The following LRRC7 variants were observed in gnomAD, a reference collection of about 807,000 sequenced individuals.
LRRC7 encodes the protein leucine-rich repeat-containing protein 7.
A neutral mutation model predicts 175.7 loss-of-function variants in LRRC7; 23 were observed. That is an observed-to-expected ratio of 0.13 (90% confidence interval 0.09 to 0.19). The LOEUF is 0.19. Ranked by LOEUF, LRRC7 falls within the 10% of genes least tolerant of loss-of-function variation. The pLI, the probability that LRRC7 is intolerant of heterozygous loss-of-function variation, is 1.00. For missense variants in LRRC7, 1,354 were observed against 1,904.7 expected, an observed-to-expected ratio of 0.71 and a Z score of 5.38; for synonymous variants, 685 against 680.9, an observed-to-expected ratio of 1.01 and a Z score of -0.09.
Position 69,611,650 on chromosome 1 carries a change from C to T in LRRC7, c.2+43009C>T, listed in dbSNP as rs114667535. Among the ~76,000 whole-genome samples, 244 of 152,162 alleles carry T rather than the reference C, an allele frequency of 1.6e-3. 1 individual carries two copies. The highest frequency in any genetic ancestry group is 5.6e-3 in the African/African-American group (234 of 41,546). On this transcript the variant is annotated intron_variant, in intron 1 of 26. Coordinates refer to ENST00000651989, the MANE Select transcript of LRRC7 (RefSeq NM_001370785.2). ...TGCTATAACTCATGCCTGAATCAAG[C>T]TTACCTAACACACACATTGTCTCCA... is the stretch of plus-strand genomic sequence containing the variant.
intron 7 of LRRC7, among the ~76,000 whole-genome samples, chr1:69,900,201 A>G (rs1391224067): frequency 6.6e-6 from 1 of 152,222 alleles, no homozygotes; most frequent in Non-Finnish European, 1.5e-5. Flanking sequence ...TATTACTGAT[A>G]GGAGTCTGTT....
chr1:69,784,822 T>A (rs966872761), intron 3 of LRRC7, among the ~76,000 whole-genome samples: 4 of 152,206 alleles, frequency 2.6e-5, no homozygotes, highest in African/African-American at 9.6e-5. Context: ...GCATGAGTTA[T>A]TAAATTTTAG....
Position 70,053,025 on chromosome 1 carries a change from G to T in LRRC7, c.4111-1G>T. The T allele has an allele frequency of 6.3e-7, 1 of 1,588,254 alleles. No individual in the cohort carries two copies. The highest frequency in any genetic ancestry group is 1.4e-5 in the African/African-American group (1 of 73,794). The stretch of plus-strand genomic sequence containing the variant: ...AGAATGCCATACCATTTTTGCAATA[G>T]ACCCCGTCCCAGCAAAGCAACATTT... On this transcript the variant is annotated splice_acceptor_variant, in intron 22 of 26. Coordinates refer to ENST00000651989, the MANE Select transcript of LRRC7 (RefSeq NM_001370785.2). LOFTEE classifies it high-confidence loss of function.
At chr1:69,843,996 TG>T (rs1346702981) in intron 7 of LRRC7, among the ~76,000 whole-genome samples, 1 of 152,166 alleles carries the variant, frequency 6.6e-6, no homozygotes, top group Non-Finnish European at 1.5e-5. Flanking sequence ...GGTTGTATTT[TG>T]ATCGTGTAGA....
chr1:69,965,690 A>G (rs1651595350), intron 8 of LRRC7, among the ~76,000 whole-genome samples: 1 of 152,146 alleles, frequency 6.6e-6, no homozygotes, highest in Non-Finnish European at 1.5e-5. Flanking sequence ...CGTGAAATTA[A>G]TGTAAACTGA....
chr1:69,850,830 A>T (rs1682895030), intron 7 of LRRC7, among the ~76,000 whole-genome samples: 1 of 152,166 alleles, frequency 6.6e-6, no homozygotes, highest in Non-Finnish European at 1.5e-5. Context: ...GTTGGTGGCT[A>T]GATACATAAA....
intron 23 of LRRC7, among the ~76,000 whole-genome samples, chr1:70,058,064 C>G (rs1661289629): frequency 6.7e-6 from 1 of 148,980 alleles, no homozygotes; most frequent in South Asian, 2.1e-4. Flanking sequence ...GGCTGGAGTG[C>G]AATGGTGTGA....
At chr1:69,930,693 A>G (rs1213183919) in intron 7 of LRRC7, among the ~76,000 whole-genome samples, 2 of 152,156 alleles carry the variant, frequency 1.3e-5, no homozygotes, top group Non-Finnish European at 2.9e-5. Context: ...TATAGAAAAG[A>G]GGTTTAATTG....
chr1:70,070,867 A>C (rs1362580513), intron 23 of LRRC7, among the ~76,000 whole-genome samples: 1 of 152,154 alleles, frequency 6.6e-6, no homozygotes, highest in Non-Finnish European at 1.5e-5. Context: ...GCTGGGTAGG[A>C]CTGGAAGTCC....
At chr1:70,085,921 T>A (rs1663574047) in intron 24 of LRRC7, among the ~76,000 whole-genome samples, 1 of 152,126 alleles carries the variant, frequency 6.6e-6, no homozygotes, top group South Asian at 2.1e-4. Context: ...AAGTCATAAA[T>A]CATTATTTTG....
chr1:69,916,730 A>G (rs1646729597), intron 7 of LRRC7, among the ~76,000 whole-genome samples: 1 of 152,062 alleles, frequency 6.6e-6, no homozygotes, highest in South Asian at 2.1e-4. Context: ...TCTTCATTTA[A>G]CCGTCACTGG....
chr1:69,925,201 C>G (rs897241526), intron 7 of LRRC7, among the ~76,000 whole-genome samples: 1 of 152,124 alleles, frequency 6.6e-6, no homozygotes, highest in African/African-American at 2.4e-5. Flanking sequence ...ATTCGGTTTG[C>G]CAGTATTTTA....
intron 15 of LRRC7, 133 bp from the exon 16 acceptor site, chr1:70,020,872 T>C: frequency 3.2e-6 from 2 of 615,492 alleles, no homozygotes; most frequent in Non-Finnish European, 4.8e-6. Flanking sequence ...TCTTTCTCTT[T>C]CTTTTTTTCT....
chr1:70,110,406 C>T (rs1010118496), intron 26 of LRRC7, among the ~76,000 whole-genome samples: 2 of 151,946 alleles, frequency 1.3e-5, no homozygotes, highest in South Asian at 2.1e-4. Flanking sequence ...AAAATAAAGA[C>T]ATTAGTGTCT....
intron 3 of LRRC7, among the ~76,000 whole-genome samples, chr1:69,791,660 T>G (rs1457594326): frequency 6.6e-6 from 1 of 152,034 alleles, no homozygotes; most frequent in Non-Finnish European, 1.5e-5. Flanking sequence ...TCATGAAATC[T>G]AATGTGGTCA....
chr1:69,990,133 C>T (rs934442676), intron 10 of LRRC7, among the ~76,000 whole-genome samples: 1 of 152,014 alleles, frequency 6.6e-6, no homozygotes, highest in Non-Finnish European at 1.5e-5. Flanking sequence ...AAAACAAACT[C>T]AGAAGGAAGG....
In LRRC7 at chr1:69,567,924, C is replaced by T. The variant is rs1003668348; in HGVS notation, c.-716C>T. Reference sequence around the variant, plus strand: ...CCATGAGCGGCGCCTCCTCGCCTGCCAATCCTGGCACCTGTGCGCCGAGCC... The same window carrying T: ...CCATGAGCGGCGCCTCCTCGCCTGCTAATCCTGGCACCTGTGCGCCGAGCC... On this transcript the variant is annotated 5_prime_UTR_variant, in exon 1 of 27. Coordinates refer to ENST00000651989, the MANE Select transcript of LRRC7 (RefSeq NM_001370785.2). 3.3e-5 allele frequency among the ~76,000 whole-genome samples: 5 copies of T among 151,918 alleles called. No individual in the cohort carries two copies. Among genetic ancestry groups the T allele is most frequent in the Non-Finnish European group, 5.9e-5 (4 of 67,968 alleles).
intron 2 of LRRC7, among the ~76,000 whole-genome samples, chr1:69,687,520 CAA>C (rs551726376): frequency 1.3e-3 from 124 of 96,820 alleles, no homozygotes; most frequent in African/African-American, 2.3e-3. Context: ...AAGAAAAAAC[CAA>C]AAAAAAAAAA....
At chr1:69,933,632 A>G (rs1395758110) in intron 8 of LRRC7, among the ~76,000 whole-genome samples, 1 of 152,190 alleles carries the variant, frequency 6.6e-6, no homozygotes, top group East Asian at 1.9e-4. Flanking sequence ...AATTTCATGC[A>G]AGATAATCTA....
Sources: allele counts gnomAD v4.1 joint callset (sites outside exome capture counted in the v4.1 genomes callset), GRCh38; gene constraint gnomAD v4.1.1; transcripts MANE v1.5; gene names NCBI Gene and HGNC (gene_info 2026-07-23, HGNC 2026-07-21).